The following CDK5RAP2 variants were observed in gnomAD, a reference collection of about 807,000 sequenced individuals.
The protein encoded by CDK5RAP2 is CDK5 regulatory subunit associated protein 2.
In CDK5RAP2, 147 loss-of-function variants were observed where a neutral mutation model predicts 232.9. That is an observed-to-expected ratio of 0.63 (90% confidence interval 0.55 to 0.72). The LOEUF is 0.72. Among genes scored for constraint, CDK5RAP2 ranks in the 30% least tolerant of loss-of-function variants. The probability of loss-of-function intolerance (pLI) is 0.00; values close to 1 mark genes in which losing one functional copy is unlikely to be tolerated. For missense variants in CDK5RAP2, 2,195 were observed against 2,231.5 expected, an observed-to-expected ratio of 0.98 and a Z score of 0.33; for synonymous variants, 833 against 833.7, an observed-to-expected ratio of 1.00 and a Z score of 0.01.
intron 12 of CDK5RAP2, among the ~76,000 whole-genome samples, chr9:120,516,853 CA>C (rs1396196939): frequency 1.3e-5 from 2 of 152,180 alleles, no homozygotes; most frequent in Non-Finnish European, 2.9e-5. Context: ...TACATATATA[CA>C]TAGGCACTAT....
chr9:120,547,465 G>A (rs747820841), intron 4 of CDK5RAP2, among the ~76,000 whole-genome samples: 1 of 152,094 alleles, frequency 6.6e-6, no homozygotes, highest in Non-Finnish European at 1.5e-5. Flanking sequence ...TTAGCCAGGA[G>A]TGGTGGCACA....
At chr9:120,515,488 A>G (rs77914704) in intron 12 of CDK5RAP2, among the ~76,000 whole-genome samples, 1,939 of 152,356 alleles carry the variant, frequency 0.013, 19 homozygotes, top group Middle Eastern at 0.027. Flanking sequence ...GGAGTTACGT[A>G]TTGTAATTCC....
chr9:120,566,019 A>G (rs2042634198), intron 3 of CDK5RAP2, among the ~76,000 whole-genome samples: 1 of 152,214 alleles, frequency 6.6e-6, no homozygotes, highest in Admixed American at 6.5e-5. Flanking sequence ...ATGTGTTGCC[A>G]GCTCCCAACT....
At position 120,530,012 on chromosome 9, in the gene CDK5RAP2, GCA is replaced by G; in HGVS notation, c.789_790del (p.Ala264CysfsTer11). 6.2e-7 allele frequency: 1 copy of G among 1,613,932 alleles called. No individual in the cohort carries two copies. Among genetic ancestry groups the G allele is most frequent in the Non-Finnish European group, 8.5e-7 (1 of 1,179,906 alleles). The stretch of plus-strand genomic sequence containing the variant: ...TCTCTCCTTTTCTTCCCTTGGAGCA[GCA>G]CAAAGTCCTCGGAGCTCTCCAGATG... On this transcript the variant is annotated frameshift_variant, in exon 8 of 38. Transcript: ENST00000349780. LOFTEE classifies it high-confidence loss of function.
intron 14 of CDK5RAP2, among the ~76,000 whole-genome samples, chr9:120,479,370 A>G (rs1040618120): frequency 6.6e-6 from 1 of 152,222 alleles, no homozygotes; most frequent in Non-Finnish European, 1.5e-5. Flanking sequence ...CTAGTAGGTA[A>G]AAGTCAAGAT....
intron 25 of CDK5RAP2, among the ~76,000 whole-genome samples, chr9:120,424,777 G>A (rs1296362281): frequency 6.7e-6 from 1 of 148,614 alleles, no homozygotes; most frequent in African/African-American, 2.5e-5. Context: ...TCGACTTACT[G>A]CAACCTCTGC....
chr9:120,561,278 T>C (rs1215581125), intron 3 of CDK5RAP2, among the ~76,000 whole-genome samples: 1 of 152,184 alleles, frequency 6.6e-6, no homozygotes, highest in East Asian at 1.9e-4. Context: ...GTAAGTATCT[T>C]ATAAATAATA....
chr9:120,432,134 C>T (rs2035319820), intron 25 of CDK5RAP2, among the ~76,000 whole-genome samples: 1 of 152,150 alleles, frequency 6.6e-6, no homozygotes, highest in South Asian at 2.1e-4. Flanking sequence ...TTTATAATAG[C>T]CCCAAAATGG....
intron 14 of CDK5RAP2, among the ~76,000 whole-genome samples, chr9:120,485,544 C>T (rs2038555488): frequency 6.6e-6 from 1 of 152,130 alleles, no homozygotes; most frequent in Non-Finnish European, 1.5e-5. Context: ...CCACCTGCCT[C>T]GGCCTCCCAA....
At chr9:120,538,039 T>C (rs2041469976) in intron 6 of CDK5RAP2, among the ~76,000 whole-genome samples, 1 of 152,208 alleles carries the variant, frequency 6.6e-6, no homozygotes, top group Non-Finnish European at 1.5e-5. Context: ...ATCTCATAAT[T>C]ACATTTTCGC....
chr9:120,468,108 G>A, intron 17 of CDK5RAP2, 111 bp from the exon 18 acceptor site: 1 of 1,048,780 alleles, frequency 9.5e-7, no homozygotes, highest in African/African-American at 1.6e-5. Flanking sequence ...CACAGTTACG[G>A]GGAATCAGGC....
intron 18 of CDK5RAP2, among the ~76,000 whole-genome samples, chr9:120,465,657 A>C (rs2037337702): frequency 6.6e-6 from 1 of 152,034 alleles, no homozygotes; most frequent in Admixed American, 6.6e-5. Flanking sequence ...GCATATTTCT[A>C]TCTGTCCTTT....
chr9:120,567,846 T>C (rs2042702305), intron 3 of CDK5RAP2, among the ~76,000 whole-genome samples: 1 of 152,210 alleles, frequency 6.6e-6, no homozygotes, highest in African/African-American at 2.4e-5. Context: ...TTATGTATTA[T>C]ATGACCATAA....
intron 12 of CDK5RAP2, among the ~76,000 whole-genome samples, chr9:120,517,499 G>A (rs958387559): frequency 6.6e-6 from 1 of 152,100 alleles, no homozygotes; most frequent in African/African-American, 2.4e-5. Context: ...CTACCTGATT[G>A]CAACAAGGCT....
chr9:120,401,998 T>TTA (rs2033062954), intron 34 of CDK5RAP2, among the ~76,000 whole-genome samples: 2 of 150,296 alleles, frequency 1.3e-5, no homozygotes, highest in Non-Finnish European at 3.0e-5. Context: ...AAAAAAAATT[T>TTA]TATATATATA....
intron 14 of CDK5RAP2, among the ~76,000 whole-genome samples, chr9:120,480,005 A>G (rs1470445703): frequency 6.6e-6 from 1 of 152,262 alleles, no homozygotes; most frequent in African/African-American, 2.4e-5. Flanking sequence ...CAAAAGGCTC[A>G]GAAAAAAATA....
In CDK5RAP2 at chr9:120,460,685, T is replaced by A. The variant is rs1381653005; in HGVS notation, c.2107-18A>T. 4 of 1,613,954 alleles carry A rather than the reference T, an allele frequency of 2.5e-6. No individual in the cohort carries two copies. The East Asian group carries it at 6.7e-5, about 27-fold the overall frequency. ...GCCAGAAGCTACATGGAGCATGGAA[T>A]GGTGTGAAAATGCAACCCAAAAAAG... On this transcript the variant is annotated intron_variant, in intron 18 of 37. Transcript: ENST00000349780.
At chr9:120,446,014 T>C (rs1017568352) in intron 22 of CDK5RAP2, among the ~76,000 whole-genome samples, 3 of 152,104 alleles carry the variant, frequency 2.0e-5, no homozygotes, top group Non-Finnish European at 2.9e-5. Flanking sequence ...CTTCCAAAGG[T>C]TCATATCCAA....
intron 3 of CDK5RAP2, among the ~76,000 whole-genome samples, chr9:120,563,134 A>C (rs2042521226): frequency 6.6e-6 from 1 of 152,140 alleles, no homozygotes; most frequent in African/African-American, 2.4e-5. Flanking sequence ...TAGCCTCTCT[A>C]ACAAGGCCAC....
Sources: allele counts gnomAD v4.1 joint callset (sites outside exome capture counted in the v4.1 genomes callset), GRCh38; gene constraint gnomAD v4.1.1; transcripts MANE v1.5; gene names NCBI Gene and HGNC (gene_info 2026-07-23, HGNC 2026-07-21).